Variants in NAT2 observed in about 807,000 individuals in gnomAD.
NAT2 encodes the protein arylamine N-acetyltransferase 2.
For missense variants in NAT2, 428 were observed against 339.1 expected, an observed-to-expected ratio of 1.26 and a Z score of -2.06; for synonymous variants, 137 against 125.9, an observed-to-expected ratio of 1.09 and a Z score of -0.59.
chr8:18,399,871 A>G, intron 1 of NAT2, 127 bp from the exon 2 acceptor site: 2 of 1,077,282 alleles, frequency 1.9e-6, no homozygotes, highest in African/African-American at 1.6e-5. Context: ...CAAAAGAATT[A>G]CTATGACAGA....
At chr8:18,389,821 G>C (rs893872312), upstream of NAT2, among the ~76,000 whole-genome samples, 13 of 152,168 alleles carry the variant, frequency 8.5e-5, no homozygotes, top group African/African-American at 3.1e-4. Context: ...AAGTGGAACT[G>C]GTAAGTTAAA....
At chr8:18,392,840 AAGAG>A (rs1800612422) in intron 1 of NAT2, among the ~76,000 whole-genome samples, 1 of 147,412 alleles carries the variant, frequency 6.8e-6, no homozygotes, top group African/African-American at 2.4e-5. Flanking sequence ...AACACAGGTT[AAGAG>A]AGAGAGGAAG....
chr8:18,400,357 T>A lies in NAT2; in HGVS notation c.354T>A (p.Asn118Lys). The A allele has an allele frequency of 6.2e-7, 1 of 1,612,804 alleles. No homozygotes were observed. Among genetic ancestry groups the A allele is most frequent in the East Asian group, 2.2e-5 (1 of 44,860 alleles). Residue 118 changes from asparagine (N) to lysine (K), a missense_variant, in exon 2 of 2, where the codon AAT (asparagine) becomes AAA (lysine). Asn to Lys is a moderately conservative substitution (Grantham distance 94). Transcript: ENST00000286479. ...TGCAGGTGACCATTGACGGCAGGAA[T>A]TACATTGTCGATGCTGGGTCTGGAA... The part of the protein sequence containing the change: ...LLLQVTIDGR[N>K]YIVDAGSGSS...
chr8:18,386,359 T>C (rs1325989816), upstream of NAT2, among the ~76,000 whole-genome samples: 1 of 152,204 alleles, frequency 6.6e-6, no homozygotes, highest in South Asian at 2.1e-4. Flanking sequence ...GAGGTGGCCA[T>C]GTGGCCCAAC....
chr8:18,386,700 T>A (rs1339127654), upstream of NAT2, among the ~76,000 whole-genome samples: 1 of 152,004 alleles, frequency 6.6e-6, no homozygotes, highest in East Asian at 1.9e-4. Flanking sequence ...CCAGTGATTG[T>A]CTCACCCCAA....
At chr8:18,395,262 C>G (rs1039134283) in intron 1 of NAT2, among the ~76,000 whole-genome samples, 1 of 152,044 alleles carries the variant, frequency 6.6e-6, no homozygotes, top group Non-Finnish European at 1.5e-5. Flanking sequence ...TTGCAAACCA[C>G]CTTTTTAAAA....
At chr8:18,395,743 T>C (rs576757181) in intron 1 of NAT2, among the ~76,000 whole-genome samples, 6 of 152,274 alleles carry the variant, frequency 3.9e-5, no homozygotes, top group Non-Finnish European at 2.9e-5. Context: ...GGTATTTAGA[T>C]AGAGACAGAT....
chr8:18,399,803 C>G (rs527795432), intron 1 of NAT2, among the ~76,000 whole-genome samples, 195 bp from the exon 2 acceptor site: 1 of 152,292 alleles, frequency 6.6e-6, no homozygotes, highest in African/African-American at 2.4e-5. Context: ...TTACAGGGTT[C>G]TGAGACTACT....
chr8:18,389,885 C>T (rs940794883), upstream of NAT2, among the ~76,000 whole-genome samples: 6 of 152,160 alleles, frequency 3.9e-5, no homozygotes, highest in African/African-American at 1.4e-4. Context: ...GATTTGTATT[C>T]CAGTGGCTTA....
At chr8:18,394,432 A>T (rs1272737752) in intron 1 of NAT2, among the ~76,000 whole-genome samples, 1 of 152,196 alleles carries the variant, frequency 6.6e-6, no homozygotes. Flanking sequence ...CAGCAAGAAT[A>T]ATTATTTACT....
intron 1 of NAT2, among the ~76,000 whole-genome samples, chr8:18,393,402 GT>G (rs1234368390): frequency 3.3e-5 from 5 of 152,040 alleles, no homozygotes. Context: ...ACTGCAAATG[GT>G]TTAGGCCTTT....
rs372479247 is a variant in NAT2 at position 18,400,902 on chromosome 8, G to A, written c.*26G>A. On this transcript the variant is annotated 3_prime_UTR_variant, in exon 2 of 2. Transcript: ENST00000286479. Reference sequence around the variant, plus strand: ...AATAAGGAACAAAATAAACCCTTGTGTATGTATCACCCAACTCACTAATTA... The same window carrying A: ...AATAAGGAACAAAATAAACCCTTGTATATGTATCACCCAACTCACTAATTA... 17 of 1,524,432 alleles carry A rather than the reference G, an allele frequency of 1.1e-5. No individual in the cohort carries two copies. Among genetic ancestry groups the A allele is most frequent in the Non-Finnish European group, 1.4e-5 (16 of 1,135,730 alleles). 94.4% of individuals were successfully genotyped at this position (1,524,432 alleles called of 1,614,324 possible).
rs1585138464 is a variant in NAT2 at position 18,399,722 on chromosome 8, T to C, written c.-6-276T>C. ...AACACCACAAACAAGTTGTTTACCA[T>C]TTGGCTCCTTATTTAATCTGGATTT... On this transcript the variant is annotated intron_variant, in intron 1 of 1. Coordinates refer to ENST00000286479, the MANE Select transcript of NAT2 (RefSeq NM_000015.3). 2.0e-5 allele frequency among the ~76,000 whole-genome samples: 3 copies of C among 152,308 alleles called. 1 individual carries two copies. In the South Asian group the frequency reaches 6.2e-4, roughly 32 times the overall value.
Position 18,400,466 on chromosome 8 carries a change from G to C in NAT2, c.463G>C (p.Glu155Gln). Residue 155 changes from glutamate (E) to glutamine (Q), a missense_variant, in exon 2 of 2, where the codon GAG becomes CAG. Transcript: ENST00000286479. ...QVPCIFCLTE[E>Q]RGIWYLDQIR... ...GCCTTGCATTTTCTGCTTGACAGAA[G>C]AGAGAGGAATCTGGTACCTGGACCA... The C allele has an allele frequency of 6.2e-7, 1 of 1,613,790 alleles. No individual in the cohort carries two copies. Among genetic ancestry groups the C allele is most frequent in the Non-Finnish European group, 8.5e-7 (1 of 1,179,936 alleles).
At chr8:18,398,019 G>A (rs1800722239) in intron 1 of NAT2, among the ~76,000 whole-genome samples, 1 of 152,212 alleles carries the variant, frequency 6.6e-6, no homozygotes, top group Admixed American at 6.5e-5. Context: ...GAAACCCTCT[G>A]AAGGATTACT....
intron 1 of NAT2, among the ~76,000 whole-genome samples, chr8:18,394,225 G>A (rs921654292): frequency 1.3e-5 from 2 of 152,164 alleles, no homozygotes; most frequent in Non-Finnish European, 1.5e-5. Flanking sequence ...CATCAGTTAA[G>A]GCAGGAACAG....
chr8:18,399,859 A>C, intron 1 of NAT2, 139 bp from the exon 2 acceptor site: 2 of 985,454 alleles, frequency 2.0e-6, no homozygotes, highest in Non-Finnish European at 2.9e-6. Flanking sequence ...TAGAAATACT[A>C]ACAAAAGAAT....
intron 1 of NAT2, among the ~76,000 whole-genome samples, chr8:18,398,895 A>G (rs1177380264): frequency 1.3e-5 from 2 of 152,224 alleles, no homozygotes; most frequent in African/African-American, 4.8e-5. Flanking sequence ...GTGACAGCCC[A>G]TAGAGCTCAA....
intron 1 of NAT2, among the ~76,000 whole-genome samples, chr8:18,395,815 A>G (rs1800680252): frequency 6.6e-6 from 1 of 152,220 alleles, no homozygotes; most frequent in African/African-American, 2.4e-5. Context: ...TCATTCATTT[A>G]GGCAAAGTGA....
Sources: gnomAD v4.1 joint callset for allele counts (sites outside exome capture counted in the v4.1 genomes callset) on GRCh38, gnomAD v4.1.1 for gene constraint, MANE v1.5 for transcripts, NCBI Gene and HGNC (gene_info 2026-07-23, HGNC 2026-07-21) for gene names.